VPS13A: variants seen among roughly 807,000 people sequenced by gnomAD.
The protein encoded by VPS13A is vacuolar protein sorting 13 homolog A, also known as intermembrane lipid transfer protein VPS13A.
Under a neutral mutation model 390.9 loss-of-function variants are expected in VPS13A, and 264 were observed. That is an observed-to-expected ratio of 0.68 (90% CI 0.61 to 0.75). The LOEUF is 0.75. VPS13A is among the 30% of genes least tolerant of loss of function. The pLI, the probability that VPS13A is intolerant of heterozygous loss-of-function variation, is 0.00. For synonymous variants in VPS13A, 1,231 were observed against 1,227.1 expected (o/e 1.00, Z -0.07); for missense variants, 3,409 against 3,733.9 (o/e 0.91, Z 2.27).
intron 40 of VPS13A, 66 bp from the exon 41 acceptor site, chr9:77,318,169 T>G: frequency 1.2e-6 from 1 of 828,978 alleles, no homozygotes. Context: ...AATATATATT[T>G]AATATTTCTT....
chr9:77,300,246 A>G (rs1181381258), intron 33 of VPS13A, among the ~76,000 whole-genome samples: 2 of 151,876 alleles, frequency 1.3e-5, no homozygotes, highest in Non-Finnish European at 2.9e-5. Context: ...TGATTCTAAT[A>G]TATATACAGT....
chr9:77,393,868 A>G (rs1834004240), intron 68 of VPS13A, among the ~76,000 whole-genome samples: 1 of 152,086 alleles, frequency 6.6e-6, no homozygotes, highest in South Asian at 2.1e-4. Flanking sequence ...TCCTGGGTTC[A>G]AGCAATTCTC....
At position 77,238,384 on chromosome 9, in the gene VPS13A, C is replaced by CAGGT. The variant is rs771545712; in HGVS notation, c.1900_1900+3dup. ...GAAGAATTTCGCAGTAAGACAGCAA[C>CAGGT]AGGTAAATGCCAATATTAATGTTGG... On this transcript the variant is annotated frameshift_variant and splice_region_variant, in exon 19 of 72. Transcript: ENST00000360280. LOFTEE classifies it high-confidence loss of function. The CAGGT allele has an allele frequency of 1.4e-5, 22 of 1,607,010 alleles. No homozygotes were observed. The highest frequency in any genetic ancestry group is 1.8e-5 in the Non-Finnish European group (21 of 1,173,684).
At chr9:77,394,271 T>C (rs1834029203) in intron 68 of VPS13A, among the ~76,000 whole-genome samples, 1 of 152,048 alleles carries the variant, frequency 6.6e-6, no homozygotes, top group Admixed American at 6.5e-5. Flanking sequence ...TTCACCATGT[T>C]GCCCAAGCTA....
Position 77,281,966 on chromosome 9 carries a change from C to T in VPS13A, c.2964+40C>T, listed in dbSNP as rs200220570. On this transcript the variant is annotated intron_variant, in intron 28 of 71. Transcript: ENST00000360280. ...TTTATTTTTTAATTATGTACTATTT[C>T]TTATGGAAATTATTTTCTAACTGGA... is the stretch of plus-strand genomic sequence containing the variant. 3.3e-5 allele frequency: 46 copies of T among 1,393,298 alleles called. No individual in the cohort carries two copies. The African/African-American group carries it at 6.4e-4, about 19-fold the overall frequency. The allele number at this position is 1,393,298 out of a possible 1,614,324, so 86.3% of individuals were successfully genotyped here.
intron 68 of VPS13A, among the ~76,000 whole-genome samples, chr9:77,385,619 C>G (rs1216917222): frequency 1.3e-5 from 2 of 151,812 alleles, no homozygotes; most frequent in Non-Finnish European, 2.9e-5. Context: ...TGAAACTGTC[C>G]TATTTCTCTA....
In VPS13A at chr9:77,209,453, T is replaced by C. The variant is rs1436356170; in HGVS notation, c.416T>C (p.Phe139Ser). ...EQHLPEKQDTFAEKLVTQIIK... is the reference protein window; with the variant it reads ...EQHLPEKQDTSAEKLVTQIIK... ...CATCTGCCGGAAAAACAGGACACTT[T>C]TGCAGAAAAATTAGTTACACAGATC... The change falls in exon 6 of 72, where the codon TTT (phenylalanine) becomes TCT (serine). Residue 139 changes from phenylalanine (F) to serine (S), a missense_variant. Around this residue, in one of 5 missense-constraint regions of VPS13A, gnomAD observed 2,717 missense variants for 2,917.4 expected, o/e 0.93. Coordinates refer to ENST00000360280, the MANE Select transcript of VPS13A (RefSeq NM_033305.3). The C allele has an allele frequency of 1.2e-6, 2 of 1,612,842 alleles. No individual in the cohort carries two copies. The highest frequency in any genetic ancestry group is 1.7e-4 in the Middle Eastern group (1 of 6,052).
At chr9:77,208,558 C>CT (rs919570011) in intron 5 of VPS13A, among the ~76,000 whole-genome samples, 22 of 150,832 alleles carry the variant, frequency 1.5e-4, no homozygotes, top group East Asian at 3.9e-4. Context: ...CTTGGTTTTT[C>CT]TTTTTTTTTG....
At chr9:77,253,828 C>T (rs1253079497) in intron 22 of VPS13A, among the ~76,000 whole-genome samples, 1 of 145,602 alleles carries the variant, frequency 6.9e-6, no homozygotes, top group Non-Finnish European at 1.5e-5. Context: ...AGCTTTTCTT[C>T]TTTGTTTACC....
rs764687491 is a variant in VPS13A at position 77,177,675 on chromosome 9, C to T, written c.-30C>T. The T allele has an allele frequency of 5.0e-6, 8 of 1,597,196 alleles. No homozygotes were observed. The highest frequency in any genetic ancestry group is 1.7e-4 in the Middle Eastern group (1 of 6,018). ...GCGGCGGGAGGAGGAGCGCACGGGC[C>T]GGCTGCCGTGCCCACCACGGCTGAG... On this transcript the variant is annotated 5_prime_UTR_variant, in exon 1 of 72. Transcript: ENST00000360280.
chr9:77,213,508 TTTTTTTGAGACAAGG>T (rs1826088866), intron 9 of VPS13A, among the ~76,000 whole-genome samples, 194 bp downstream of exon 9: 1 of 151,872 alleles, frequency 6.6e-6, no homozygotes, highest in Admixed American at 6.6e-5. Flanking sequence ...TTTTTTTTTT[TTTTTTTGAGACAAGG>T]TCTTGCTCTG....
At position 77,376,851 on chromosome 9, in the gene VPS13A, G is replaced by A. The variant is rs60167829; in HGVS notation, c.9078-5125G>A. Reference sequence around the variant, plus strand: ...ATGAGACTGAAAAGAGAAAAATAAGGTCCAAGGACTTGGCTTTCAGGCACA... The same window carrying A: ...ATGAGACTGAAAAGAGAAAAATAAGATCCAAGGACTTGGCTTTCAGGCACA... On this transcript the variant is annotated intron_variant, in intron 67 of 71. Coordinates refer to ENST00000360280, the MANE Select transcript of VPS13A (RefSeq NM_033305.3). Among the ~76,000 whole-genome samples the A allele has an allele frequency of 3.6e-3, 543 of 152,256 alleles. 3 individuals are homozygous for A. The highest frequency in any genetic ancestry group is 0.012 in the African/African-American group (518 of 41,548).
Position 77,407,598 on chromosome 9 carries a change from G to C in VPS13A, c.9465G>C (p.Glu3155Asp), listed in dbSNP as rs200351756. Residue 3155 changes from glutamate (E) to aspartate (D), a missense_variant, in exon 71 of 72, where the codon GAG becomes GAC. Physicochemically the swap from Glu to Asp is conservative, Grantham distance 45 (BLOSUM62 2). This residue lies in a region of VPS13A where 318 missense variants were observed against 333.7 expected (regional missense o/e 0.95). Transcript: ENST00000360280. ...AAATAATTAACTTCAAGACCCCAGA[G>C]GATGCCAGGGTAAATATAATAAATC... is the stretch of plus-strand genomic sequence containing the variant. Reference protein sequence around the residue: ...FGKIINFKTPEDARWILTKLQ... With the variant: ...FGKIINFKTPDDARWILTKLQ... The C allele has an allele frequency of 9.6e-5, 155 of 1,610,490 alleles. No homozygotes were observed. Among genetic ancestry groups the C allele is most frequent in the Non-Finnish European group, 1.2e-4 (146 of 1,177,070 alleles).
At chr9:77,271,296 G>A (rs1473519137) in intron 23 of VPS13A, among the ~76,000 whole-genome samples, 3 of 152,200 alleles carry the variant, frequency 2.0e-5, no homozygotes, top group Admixed American at 1.3e-4. Context: ...TAAGAAGAAT[G>A]GCAATACCAT....
Position 77,360,529 on chromosome 9 carries a change from A to C in VPS13A, c.8106-7A>C, listed in dbSNP as rs986119412. 6.3e-6 allele frequency: 10 copies of C among 1,593,616 alleles called. No homozygotes were observed. The highest frequency in any genetic ancestry group is 8.6e-6 in the Non-Finnish European group (10 of 1,161,984). On this transcript the variant is annotated splice_polypyrimidine_tract_variant and splice_region_variant and intron_variant, in intron 58 of 71. Coordinates refer to ENST00000360280, the MANE Select transcript of VPS13A (RefSeq NM_033305.3). ...TTTTAAAAAATGTTTTCTACTTTGT[A>C]ATACAGGTATTTCAAAGTATTGATT...
At position 77,278,863 on chromosome 9, in the gene VPS13A, A is replaced by G. The variant is rs150104690; in HGVS notation, c.2825-1296A>G. 1.1e-3 allele frequency among the ~76,000 whole-genome samples: 166 copies of G among 152,336 alleles called. 1 individual carries two copies. The highest frequency in any genetic ancestry group is 3.7e-3 in the African/African-American group (155 of 41,582). On this transcript the variant is annotated intron_variant, in intron 26 of 71. Coordinates refer to ENST00000360280, the MANE Select transcript of VPS13A (RefSeq NM_033305.3). The stretch of plus-strand genomic sequence containing the variant: ...CATTTTGAGCAGAAGCAGTAATATT[A>G]AAATGGGAGAGTTCCTTTATTCCCC...
chr9:77,357,135 C>T (rs1253353017), intron 55 of VPS13A, among the ~76,000 whole-genome samples: 2 of 151,726 alleles, frequency 1.3e-5, no homozygotes, highest in African/African-American at 2.4e-5. Context: ...GCCTGGCCAA[C>T]ATGGCAAACC....
intron 17 of VPS13A, among the ~76,000 whole-genome samples, chr9:77,229,841 C>T (rs1368621802): frequency 6.6e-6 from 1 of 152,154 alleles, no homozygotes; most frequent in South Asian, 2.1e-4. Flanking sequence ...GAGGAACTAC[C>T]AGACTGTTTC....
intron 70 of VPS13A, among the ~76,000 whole-genome samples, chr9:77,406,981 A>G (rs1159876283): frequency 6.6e-6 from 1 of 152,178 alleles, no homozygotes; most frequent in Non-Finnish European, 1.5e-5. Flanking sequence ...CGGAGCATAA[A>G]TAGTGGAGGA....
Sources: gnomAD v4.1 joint callset for allele counts (sites outside exome capture counted in the v4.1 genomes callset) on GRCh38, gnomAD v4.1.1 for gene constraint, gnomAD v4.1.1 regional missense constraint, MANE v1.5 for transcripts, NCBI Gene and HGNC (gene_info 2026-07-23, HGNC 2026-07-21) for gene names.